NPAS3: variants seen among roughly 807,000 people sequenced by gnomAD.
The protein encoded by NPAS3 is neuronal PAS domain-containing protein 3.
NPAS3 carries 14 observed loss-of-function variants against 73.1 expected under a neutral mutation model. The ratio of observed to expected loss-of-function variants is 0.19; its 90% CI spans 0.13 to 0.30. The LOEUF (loss-of-function observed/expected upper bound fraction) is 0.30, where lower values mean the gene tolerates loss of function less well. NPAS3 is among the 10% of genes least tolerant of loss of function. The pLI, the probability that NPAS3 is intolerant of heterozygous loss-of-function variation, is 1.00. For missense variants in NPAS3, 1,096 were observed against 1,250.0 expected (o/e 0.88, Z 1.86); for synonymous variants, 620 against 541.5 (o/e 1.14, Z -2.01).
intron 3 of NPAS3, among the ~76,000 whole-genome samples, chr14:33,220,792 A>C (rs1016948975): frequency 6.6e-6 from 1 of 152,352 alleles, no homozygotes; most frequent in Middle Eastern, 3.4e-3. Context: ...ATCTTGCTGC[A>C]TGCCACTGTT....
intron 2 of NPAS3, among the ~76,000 whole-genome samples, chr14:33,110,380 T>C (rs916495754): frequency 2.0e-5 from 3 of 152,302 alleles, no homozygotes; most frequent in Admixed American, 2.0e-4. Flanking sequence ...GTTTCCAGGC[T>C]GAAGTAAGTT....
At chr14:33,197,641 T>C (rs1486472744) in intron 2 of NPAS3, among the ~76,000 whole-genome samples, 1 of 152,218 alleles carries the variant, frequency 6.6e-6, no homozygotes, top group Non-Finnish European at 1.5e-5. Flanking sequence ...GAGATTCAGC[T>C]ACAGGAAAAC....
chr14:33,716,084 C>CTGACCATGAACTCCTTGGGGGCA (rs2060949394), intron 6 of NPAS3, among the ~76,000 whole-genome samples: 1 of 152,222 alleles, frequency 6.6e-6, no homozygotes, highest in Non-Finnish European at 1.5e-5. Context: ...AATACAAACA[C>CTGACCATGAACTCCTTGGGGGCA]TGACCATGAA....
At chr14:33,234,356 A>G (rs1393191583) in intron 3 of NPAS3, among the ~76,000 whole-genome samples, 2 of 152,120 alleles carry the variant, frequency 1.3e-5, no homozygotes, top group African/African-American at 4.8e-5. Flanking sequence ...TTACGCATGC[A>G]AATAGGAATT....
At chr14:33,723,714 C>CA (rs10577101) in intron 6 of NPAS3, among the ~76,000 whole-genome samples, 1 of 143,828 alleles carries the variant, frequency 7.0e-6, no homozygotes, top group South Asian at 2.2e-4. Context: ...TACTTCCTCT[C>CA]AAAAAAAAAA....
chr14:33,156,476 G>A (rs538908418), intron 2 of NPAS3, among the ~76,000 whole-genome samples: 10 of 152,096 alleles, frequency 6.6e-5, no homozygotes, highest in Non-Finnish European at 1.0e-4. Context: ...CAATAGATTG[G>A]TGCTACATAT....
At chr14:33,321,035 A>C (rs1243595340) in intron 3 of NPAS3, among the ~76,000 whole-genome samples, 1 of 152,136 alleles carries the variant, frequency 6.6e-6, no homozygotes, top group Non-Finnish European at 1.5e-5. Context: ...GCACCACACT[A>C]AGATGAGTTT....
intron 1 of NPAS3, among the ~76,000 whole-genome samples, chr14:32,944,017 T>A (rs983741190): frequency 2.6e-5 from 4 of 152,196 alleles, no homozygotes; most frequent in Non-Finnish European, 5.9e-5. Context: ...ATGGAGAATA[T>A]ATTACAAAAG....
At chr14:33,582,417 G>A (rs1046634657) in intron 5 of NPAS3, among the ~76,000 whole-genome samples, 3 of 152,158 alleles carry the variant, frequency 2.0e-5, no homozygotes, top group African/African-American at 7.2e-5. Flanking sequence ...TGGTTTTTAT[G>A]TTGCTGTAGA....
chr14:33,032,235 A>C (rs2040020553), intron 1 of NPAS3, among the ~76,000 whole-genome samples: 1 of 152,220 alleles, frequency 6.6e-6, no homozygotes, highest in South Asian at 2.1e-4. Flanking sequence ...TTCTGCAGAC[A>C]AAAGGGAAAT....
At chr14:33,325,249 G>A (rs2043644284) in intron 3 of NPAS3, among the ~76,000 whole-genome samples, 1 of 152,126 alleles carries the variant, frequency 6.6e-6, no homozygotes, top group Non-Finnish European at 1.5e-5. Context: ...TAGGCGTGCA[G>A]TGTGAAAGAA....
At chr14:33,004,352 G>T (rs980628545) in intron 1 of NPAS3, among the ~76,000 whole-genome samples, 2 of 152,302 alleles carry the variant, frequency 1.3e-5, no homozygotes, top group African/African-American at 4.8e-5. Flanking sequence ...ACACTGTACA[G>T]CATGTTATTG....
At chr14:33,777,104 G>A (rs992484827) in intron 8 of NPAS3, among the ~76,000 whole-genome samples, 4 of 152,178 alleles carry the variant, frequency 2.6e-5, no homozygotes, top group Non-Finnish European at 5.9e-5. Context: ...GACGGCCTCA[G>A]GCAAAGCCGA....
intron 1 of NPAS3, among the ~76,000 whole-genome samples, chr14:32,945,216 A>G (rs577719270): frequency 6.6e-6 from 1 of 152,238 alleles, no homozygotes; most frequent in Non-Finnish European, 1.5e-5. Flanking sequence ...AACTTGTAAA[A>G]TATTGTAATT....
At chr14:33,341,450 T>A (rs2044475560) in intron 3 of NPAS3, among the ~76,000 whole-genome samples, 1 of 152,204 alleles carries the variant, frequency 6.6e-6, no homozygotes, top group Non-Finnish European at 1.5e-5. Context: ...TTTTTTATTT[T>A]ATTTTTTATT....
At chr14:33,802,769 T>A (rs2063747237), downstream of NPAS3, 1 of 152,494 alleles carries the variant, frequency 6.6e-6, no homozygotes, top group South Asian at 2.1e-4. Context: ...GTGGCCTTCC[T>A]CTGTAATGTC....
chr14:33,060,031 C>G (rs928904384), intron 2 of NPAS3, among the ~76,000 whole-genome samples: 1 of 152,186 alleles, frequency 6.6e-6, no homozygotes, highest in Admixed American at 6.5e-5. Flanking sequence ...CATCCTCCCA[C>G]CTCAGCCTCT....
At chr14:33,670,669 G>A (rs1385264038) in intron 5 of NPAS3, among the ~76,000 whole-genome samples, 3 of 150,772 alleles carry the variant, frequency 2.0e-5, no homozygotes, top group Non-Finnish European at 4.4e-5. Flanking sequence ...TGGTGAGATA[G>A]AACTTCCACC....
intron 2 of NPAS3, among the ~76,000 whole-genome samples, chr14:33,161,181 A>G (rs186469402): frequency 1.3e-5 from 2 of 152,338 alleles, no homozygotes; most frequent in East Asian, 3.9e-4. Context: ...ATCTACCCAG[A>G]TTAATTTTTT....
Sources: gnomAD v4.1 joint callset for allele counts (sites outside exome capture counted in the v4.1 genomes callset) on GRCh38, gnomAD v4.1.1 for gene constraint, MANE v1.5 for transcripts, NCBI Gene and HGNC (gene_info 2026-07-23, HGNC 2026-07-21) for gene names.